Variants in NTRK3 observed in about 807,000 individuals in gnomAD.
NTRK3 encodes the protein NT-3 growth factor receptor.
NTRK3 carries 24 observed loss-of-function variants against 91.7 expected under a neutral mutation model. The ratio of observed to expected loss-of-function variants is 0.26; its 90% CI spans 0.19 to 0.37. The LOEUF is 0.37. Ranked by LOEUF, NTRK3 falls within the 10% of genes least tolerant of loss-of-function variation. The probability of loss-of-function intolerance (pLI) is 1.00; values close to 1 mark genes in which losing one functional copy is unlikely to be tolerated. For synonymous variants in NTRK3, 483 were observed against 404.0 expected, an observed-to-expected ratio of 1.20 and a Z score of -2.34; for missense variants, 880 against 1,068.9, an observed-to-expected ratio of 0.82 and a Z score of 2.46.
intron 3 of NTRK3, among the ~76,000 whole-genome samples, chr15:88,229,715 C>A (rs940704294): frequency 6.6e-6 from 1 of 152,214 alleles, no homozygotes; most frequent in Non-Finnish European, 1.5e-5. Context: ...CCTCCCTCAC[C>A]TGCTCATGGG....
At chr15:88,112,523 C>T (rs985018517) in intron 13 of NTRK3, among the ~76,000 whole-genome samples, 3 of 94,370 alleles carry the variant, frequency 3.2e-5, no homozygotes, top group African/African-American at 7.2e-5. Context: ...GGACTGCCTT[C>T]TGCCTGCCAC....
intron 5 of NTRK3, among the ~76,000 whole-genome samples, chr15:88,151,611 C>G (rs1015263877): frequency 5.3e-5 from 8 of 152,178 alleles, no homozygotes; most frequent in Non-Finnish European, 1.2e-4. Context: ...ATAAGACGGA[C>G]CCTGTTGCCA....
exon 19 of NTRK3, chr15:87,868,373 C>T (rs2064744145): frequency 8.9e-6 from 2 of 225,478 alleles, no homozygotes; most frequent in South Asian, 1.8e-4. Flanking sequence ...ACACAGTGTC[C>T]TTGGCTGGAA....
intron 13 of NTRK3, among the ~76,000 whole-genome samples, chr15:88,037,504 G>C (rs981307382): frequency 3.9e-5 from 6 of 152,206 alleles, no homozygotes; most frequent in Non-Finnish European, 8.8e-5. Context: ...GGAGATTGCA[G>C]TGAGCTGAGA....
chr15:88,016,456 G>A (rs575082195), intron 14 of NTRK3, among the ~76,000 whole-genome samples: 10 of 152,300 alleles, frequency 6.6e-5, no homozygotes, highest in South Asian at 2.1e-4. Flanking sequence ...CTCCTGGACC[G>A]TAAGAGTTGC....
intron 14 of NTRK3, among the ~76,000 whole-genome samples, chr15:87,961,329 T>C (rs1033812995): frequency 1.3e-5 from 2 of 152,228 alleles, no homozygotes; most frequent in Admixed American, 1.3e-4. Context: ...CATTAAACTG[T>C]TGACTGTCAT....
At chr15:88,231,918 CTTAAATTT>C (rs1162652595) in intron 3 of NTRK3, among the ~76,000 whole-genome samples, 1 of 152,180 alleles carries the variant, frequency 6.6e-6, no homozygotes, top group African/African-American at 2.4e-5. Context: ...AACAAAGATA[CTTAAATTT>C]TTTTTGAGCC....
At chr15:88,054,455 C>T (rs150575929) in intron 13 of NTRK3, among the ~76,000 whole-genome samples, 16 of 152,248 alleles carry the variant, frequency 1.1e-4, no homozygotes, top group African/African-American at 3.6e-4. Flanking sequence ...CTCTTGGGTG[C>T]CCTACCAGAT....
intron 13 of NTRK3, among the ~76,000 whole-genome samples, chr15:88,042,615 G>A (rs2079752769): frequency 6.6e-6 from 1 of 152,354 alleles, no homozygotes; most frequent in African/African-American, 2.4e-5. Flanking sequence ...CGTTGTTCAT[G>A]CCTCGCAGCA....
intron 15 of NTRK3, 134 bp downstream of exon 15, chr15:87,940,489 C>G: frequency 1.4e-6 from 2 of 1,428,410 alleles, no homozygotes; most frequent in Non-Finnish European, 1.9e-6. Flanking sequence ...TCATTGACCT[C>G]GGAGCAAAGT....
intron 14 of NTRK3, among the ~76,000 whole-genome samples, chr15:87,949,524 G>A (rs887337787): frequency 6.6e-6 from 1 of 151,840 alleles, no homozygotes; most frequent in Non-Finnish European, 1.5e-5. Context: ...GAAGAGAGAG[G>A]ATCAGCAGAG....
intron 5 of NTRK3, among the ~76,000 whole-genome samples, chr15:88,152,934 AG>A (rs147847086): frequency 0.016 from 2,408 of 152,298 alleles, 81 homozygotes; most frequent in East Asian, 0.13. Flanking sequence ...GGGCATACTC[AG>A]TTTGCATCCC....
At chr15:88,100,292 T>C (rs1158425055) in intron 13 of NTRK3, among the ~76,000 whole-genome samples, 1 of 152,150 alleles carries the variant, frequency 6.6e-6, no homozygotes, top group Non-Finnish European at 1.5e-5. Context: ...TACAAGTGTG[T>C]TATAACCAAA....
intron 17 of NTRK3, chr15:87,908,581 G>C: frequency 2.5e-6 from 1 of 399,480 alleles, no homozygotes; most frequent in Non-Finnish European, 4.4e-6. Flanking sequence ...TGAATGAGGG[G>C]AGAGAGTGGG....
intron 13 of NTRK3, among the ~76,000 whole-genome samples, chr15:88,061,446 C>G (rs2046206694): frequency 6.6e-6 from 1 of 152,248 alleles, no homozygotes; most frequent in South Asian, 2.1e-4. Context: ...TGGGGTGGGT[C>G]AGCCCGTGGC....
intron 14 of NTRK3, among the ~76,000 whole-genome samples, chr15:87,994,529 C>G (rs1230873187): frequency 6.6e-6 from 1 of 152,194 alleles, no homozygotes; most frequent in Non-Finnish European, 1.5e-5. Context: ...GGAACAGATC[C>G]TTCCCTAGTG....
intron 3 of NTRK3, among the ~76,000 whole-genome samples, chr15:88,218,068 A>C (rs1399554725): frequency 6.6e-6 from 1 of 152,092 alleles, no homozygotes; most frequent in Middle Eastern, 3.2e-3. Context: ...CCCTCCCTAA[A>C]GACCCACTGT....
chr15:88,143,919 T>C (rs1416271214), intron 6 of NTRK3: 4 of 152,230 alleles, frequency 2.6e-5, no homozygotes, highest in Non-Finnish European at 4.4e-5. Context: ...TCATGTCTGC[T>C]CCATGCATGC....
At chr15:88,118,476 C>T (rs2052350049) in intron 13 of NTRK3, among the ~76,000 whole-genome samples, 1 of 152,166 alleles carries the variant, frequency 6.6e-6, no homozygotes, top group South Asian at 2.1e-4. Flanking sequence ...AAGCTGGCAA[C>T]CCCAGCCCCT....
Sources: gnomAD v4.1 joint callset for allele counts (sites outside exome capture counted in the v4.1 genomes callset) on GRCh38, gnomAD v4.1.1 for gene constraint, MANE v1.5 for transcripts, NCBI Gene and HGNC (gene_info 2026-07-23, HGNC 2026-07-21) for gene names.